The following ATR variants were observed in gnomAD, a reference collection of about 807,000 sequenced individuals.
ATR encodes the protein serine/threonine-protein kinase ATR.
A neutral mutation model predicts 305.3 loss-of-function variants in ATR; 142 were observed. That is an observed-to-expected ratio of 0.47 (90% CI 0.41 to 0.53). The LOEUF (loss-of-function observed/expected upper bound fraction) is 0.53. Among genes scored for constraint, ATR ranks in the 20% least tolerant of loss-of-function variants. The pLI is 0.00. For missense variants in ATR, 2,135 were observed against 3,133.1 expected, an observed-to-expected ratio of 0.68 and a Z score of 7.60; for synonymous variants, 1,050 against 1,068.1, an observed-to-expected ratio of 0.98 and a Z score of 0.33.
intron 19 of ATR, among the ~76,000 whole-genome samples, chr3:142,537,297 T>C (rs1284923635): frequency 1.3e-5 from 2 of 152,064 alleles, no homozygotes; most frequent in East Asian, 1.9e-4. Flanking sequence ...TCTCACTATG[T>C]TGCCCAGGCT....
chr3:142,449,274 A>T lies in ATR; in HGVS notation c.*155T>A. 1 of 669,108 alleles carries T rather than the reference A, an allele frequency of 1.5e-6. No homozygotes were observed. Among genetic ancestry groups the T allele is most frequent in the Non-Finnish European group, 2.5e-6 (1 of 397,784 alleles). 41.4% of individuals were successfully genotyped at this position (669,108 alleles called of 1,614,324 possible). On this transcript the variant is annotated 3_prime_UTR_variant, in exon 47 of 47. Coordinates refer to ENST00000350721, the MANE Select transcript of ATR (RefSeq NM_001184.4). ...AGTTTATTTCTTAATAACTGAATGT[A>T]TATTATTTTACATATAATTAATGAT...
intron 5 of ATR, 97 bp downstream of exon 5, chr3:142,561,146 G>T: frequency 7.6e-7 from 1 of 1,319,070 alleles, no homozygotes; most frequent in Non-Finnish European, 1.1e-6. Flanking sequence ...GATGTTCTTT[G>T]TGTATTTAAA....
chr3:142,559,619 G>A (rs1296518395), intron 6 of ATR, among the ~76,000 whole-genome samples, 178 bp from the exon 7 acceptor site: 1 of 152,154 alleles, frequency 6.6e-6, no homozygotes, highest in African/African-American at 2.4e-5. Flanking sequence ...ATCTATTTAT[G>A]TCAGCTTAAA....
Position 142,512,508 on chromosome 3 carries a change from T to C in ATR, c.4642-38A>G, listed in dbSNP as rs539792542. On this transcript the variant is annotated intron_variant, in intron 26 of 46. Coordinates refer to ENST00000350721, the MANE Select transcript of ATR (RefSeq NM_001184.4). ...TTTATAATTAATAATAATATCTATA[T>C]AATACCATTTAACTATTATATGACA... 109 of 1,443,652 alleles carry C rather than the reference T, an allele frequency of 7.6e-5. 3 individuals carry two copies. The South Asian group carries it at 1.3e-3, about 17-fold the overall frequency. 89.4% of individuals were successfully genotyped at this position (1,443,652 alleles called of 1,614,324 possible). A position where few individuals can be genotyped will look rare whatever the true frequency, so the allele number is the denominator to read the frequency against.
chr3:142,571,946 TA>T (rs1260439128), intron 1 of ATR, among the ~76,000 whole-genome samples: 1 of 152,044 alleles, frequency 6.6e-6, no homozygotes, highest in Non-Finnish European at 1.5e-5. Context: ...TTTGTATTTT[TA>T]GTAGAGACGG....
chr3:142,454,829 T>C (rs2070870838), intron 45 of ATR, among the ~76,000 whole-genome samples: 1 of 152,190 alleles, frequency 6.6e-6, no homozygotes, highest in Non-Finnish European at 1.5e-5. Context: ...ACATCATACT[T>C]AAAAGTCAAA....
At chr3:142,477,087 T>C (rs551748123) in intron 36 of ATR, among the ~76,000 whole-genome samples, 49 of 152,312 alleles carry the variant, frequency 3.2e-4, no homozygotes, top group African/African-American at 9.4e-4. Flanking sequence ...GCCCTTTATT[T>C]CTTTCTCCTG....
At position 142,553,633 on chromosome 3, in the gene ATR, A is replaced by G. The variant is rs1464540238; in HGVS notation, c.2633+7T>C. 6.3e-7 allele frequency: 1 copy of G among 1,594,238 alleles called. No homozygotes were observed. On this transcript the variant is annotated splice_region_variant and intron_variant, in intron 12 of 46. Transcript: ENST00000350721. ...ATAAGGAAGAACACAAATGCTGCCA[A>G]GTATACCTTCCAATATCCCCTGTTG...
chr3:142,552,570 T>C (rs1423066131), intron 13 of ATR, among the ~76,000 whole-genome samples: 1 of 149,398 alleles, frequency 6.7e-6, no homozygotes, highest in Non-Finnish European at 1.5e-5. Context: ...CTTGGGAGGC[T>C]GAGGCAGGAG....
intron 24 of ATR, among the ~76,000 whole-genome samples, chr3:142,518,928 T>A (rs551455582): frequency 6.6e-6 from 1 of 152,328 alleles, no homozygotes; most frequent in South Asian, 2.1e-4. Context: ...TACATTTTTT[T>A]AAAAGCAGAG....
chr3:142,545,279 T>C (rs951266727), intron 16 of ATR, among the ~76,000 whole-genome samples: 10 of 152,120 alleles, frequency 6.6e-5, no homozygotes, highest in Non-Finnish European at 1.0e-4. Flanking sequence ...AATCCTGTGA[T>C]AGACAAGAAA....
intron 16 of ATR, 124 bp downstream of exon 16, chr3:142,547,601 C>T (rs2034317780): frequency 8.8e-7 from 1 of 1,135,524 alleles, no homozygotes; most frequent in African/African-American, 1.6e-5. Flanking sequence ...AAAATACCAA[C>T]TTAAAATTTA....
At chr3:142,566,404 A>C (rs558151691) in intron 2 of ATR, 143 bp from the exon 3 acceptor site, 3 of 897,034 alleles carry the variant, frequency 3.3e-6, no homozygotes, top group Non-Finnish European at 5.3e-6. Flanking sequence ...GGATCACCTG[A>C]GCCCAGGAAC....
intron 20 of ATR, 21 bp downstream of exon 20, chr3:142,536,084 AACC>A: frequency 6.8e-7 from 1 of 1,475,760 alleles, no homozygotes; most frequent in Non-Finnish European, 9.5e-7. Context: ...TGATCTCCTA[AACC>A]ACAAATTAAA....
intron 22 of ATR, among the ~76,000 whole-genome samples, chr3:142,523,336 C>A (rs974265696): frequency 6.6e-6 from 1 of 152,054 alleles, no homozygotes; most frequent in South Asian, 2.1e-4. Context: ...AGGACAATCG[C>A]TTGAATCCAG....
intron 21 of ATR, among the ~76,000 whole-genome samples, chr3:142,524,799 G>A (rs538187012): frequency 5.9e-5 from 9 of 152,276 alleles, no homozygotes; most frequent in Admixed American, 2.0e-4. Flanking sequence ...AATTCAAATA[G>A]TCTTTTTTCA....
rs754506069 is a variant in ATR, at chr3:142,560,373, A to T, written c.1431T>A (p.Leu477=). 1 of 1,613,880 alleles carries T rather than the reference A, an allele frequency of 6.2e-7. No individual in the cohort carries two copies. The highest frequency in any genetic ancestry group is 8.5e-7 in the Non-Finnish European group (1 of 1,179,846). Residue 477 remains leucine (L), a synonymous_variant, in exon 6 of 47, where the codon CTT becomes CTA. Coordinates refer to ENST00000350721, the MANE Select transcript of ATR (RefSeq NM_001184.4). Reference sequence around the variant, plus strand: ...CAGGATTCTTTAGGCCACTGTATTCAAGGGAAATCTGAAGGGATTCAGCTT... The same window carrying T: ...CAGGATTCTTTAGGCCACTGTATTCTAGGGAAATCTGAAGGGATTCAGCTT... The part of the protein sequence containing the change: ...KQKAESLQIS[L]EYSGLKNPVI...
At position 142,466,517 on chromosome 3, in the gene ATR, G is replaced by T. The variant is rs2071135120; in HGVS notation, c.6704C>A (p.Ser2235Tyr). 6.2e-7 allele frequency: 1 copy of T among 1,613,236 alleles called. No individual in the cohort carries two copies. The highest frequency in any genetic ancestry group is 1.1e-5 in the South Asian group (1 of 91,012). ...AAAATGAGTGCTCATGCTTAATGTGGAACTACTTCCATCAACCTGAAAAAA... is the reference window on the plus strand; with the variant it reads ...AAAATGAGTGCTCATGCTTAATGTGTAACTACTTCCATCAACCTGAAAAAA... ...LCNKPVDGSS[S>Y]TLSMSTHFKM... The change falls in exon 40 of 47, where the codon TCC becomes TAC. Residue 2235 changes from serine (S) to tyrosine (Y), a missense_variant. By Grantham distance (144) the Ser-to-Tyr change is moderately radical. Transcript: ENST00000350721.
intron 20 of ATR, among the ~76,000 whole-genome samples, chr3:142,535,809 T>C (rs940979149): frequency 6.6e-6 from 1 of 152,192 alleles, no homozygotes; most frequent in Non-Finnish European, 1.5e-5. Context: ...GCCGCTGTGG[T>C]AGCGCTTCTT....
Sources: allele counts gnomAD v4.1 joint callset (sites outside exome capture counted in the v4.1 genomes callset), GRCh38; gene constraint gnomAD v4.1.1; transcripts MANE v1.5; gene names NCBI Gene and HGNC (gene_info 2026-07-23, HGNC 2026-07-21).